Variants in SAMD3 observed in about 807,000 individuals in gnomAD.
SAMD3 encodes sterile alpha motif domain-containing protein 3.
SAMD3 carries 63 observed loss-of-function variants against 58.5 expected under a neutral mutation model. The ratio of observed to expected loss-of-function variants is 1.08; its 90% CI spans 0.88 to 1.33. The LOEUF is 1.33. SAMD3 is among the 40% of genes most tolerant of loss of function. The pLI is 0.00. For missense variants in SAMD3, 604 were observed against 608.4 expected (o/e 0.99, Z 0.08); for synonymous variants, 220 against 210.3 (o/e 1.05, Z -0.40).
At chr6:130,209,473 G>A (rs777178794) in intron 5 of SAMD3, 22 bp downstream of exon 5, 1 of 1,290,308 alleles carries the variant, frequency 7.8e-7, no homozygotes, top group Non-Finnish European at 1.1e-6. Flanking sequence ...GCTTTAAACT[G>A]TCTTAAAGTT....
chr6:130,305,981 T>C (rs1775899273), intron 2 of SAMD3, among the ~76,000 whole-genome samples: 2 of 152,336 alleles, frequency 1.3e-5, no homozygotes, highest in African/African-American at 2.4e-5. Flanking sequence ...TTTTGGTTCA[T>C]AGATGATGCC....
intron 5 of SAMD3, among the ~76,000 whole-genome samples, chr6:130,192,265 T>G (rs1001405893): frequency 9.9e-5 from 15 of 152,260 alleles, no homozygotes; most frequent in Admixed American, 3.3e-4. Context: ...AAAGATGGTC[T>G]GTAGTTCTAT....
At chr6:130,289,125 T>C (rs1227800931) in intron 2 of SAMD3, among the ~76,000 whole-genome samples, 3 of 152,192 alleles carry the variant, frequency 2.0e-5, no homozygotes, top group African/African-American at 7.2e-5. Context: ...ACATGGTGAA[T>C]GAGCTTAAGG....
chr6:130,146,392 G>T (rs1788628335), intron 9 of SAMD3, among the ~76,000 whole-genome samples: 1 of 152,024 alleles, frequency 6.6e-6, no homozygotes, highest in South Asian at 2.1e-4. Flanking sequence ...ATAAATAATG[G>T]GCATGGCAAA....
At chr6:130,233,410 T>C (rs2114882702) in intron 2 of SAMD3, among the ~76,000 whole-genome samples, 2 of 152,286 alleles carry the variant, frequency 1.3e-5, no homozygotes, top group East Asian at 3.9e-4. Context: ...CATTGATGCT[T>C]TGGATTTCAA....
intron 2 of SAMD3, among the ~76,000 whole-genome samples, chr6:130,260,420 C>T (rs1005377739): frequency 3.9e-5 from 6 of 152,348 alleles, no homozygotes; most frequent in South Asian, 4.1e-4. Flanking sequence ...GTACCTCTTG[C>T]TTGCTCAGTT....
chr6:130,187,940 C>T (rs1793158067), intron 5 of SAMD3, among the ~76,000 whole-genome samples: 1 of 152,132 alleles, frequency 6.6e-6, no homozygotes, highest in East Asian at 1.9e-4. Flanking sequence ...CTACAGTTGG[C>T]CCCCGGCTAA....
intron 2 of SAMD3, among the ~76,000 whole-genome samples, chr6:130,289,550 A>T (rs1307576034): frequency 6.6e-6 from 1 of 152,180 alleles, no homozygotes; most frequent in Non-Finnish European, 1.5e-5. Context: ...CCCAGGTTAG[A>T]GTGCAGTGGC....
chr6:130,237,313 GC>G (rs1196989930), intron 2 of SAMD3, among the ~76,000 whole-genome samples: 1 of 151,978 alleles, frequency 6.6e-6, no homozygotes, highest in Non-Finnish European at 1.5e-5. Flanking sequence ...ATGCATTACA[GC>G]CCCCCTCCAC....
At chr6:130,190,992 A>G (rs1793490611) in intron 5 of SAMD3, among the ~76,000 whole-genome samples, 2 of 151,866 alleles carry the variant, frequency 1.3e-5, no homozygotes, top group Admixed American at 1.3e-4. Flanking sequence ...TCAAATTTAA[A>G]AGTCCCATAG....
chr6:130,282,126 ACACACACACG>A (rs1775001216), intron 2 of SAMD3, among the ~76,000 whole-genome samples: 1 of 151,900 alleles, frequency 6.6e-6, no homozygotes, highest in Non-Finnish European at 1.5e-5. Flanking sequence ...CACACAAGCC[ACACACACACG>A]CACACACACA....
intron 1 of SAMD3, among the ~76,000 whole-genome samples, chr6:130,359,451 C>G (rs759244838): frequency 6.6e-6 from 1 of 152,180 alleles, no homozygotes; most frequent in Admixed American, 6.5e-5. Context: ...ACATTTCCCT[C>G]TCTTTGAATT....
At chr6:130,333,094 G>T (rs1379799650) in intron 1 of SAMD3, among the ~76,000 whole-genome samples, 1 of 147,986 alleles carries the variant, frequency 6.8e-6, no homozygotes, top group African/African-American at 2.5e-5. Context: ...TGTTAAGGGG[G>T]TGACAAGTTT....
chr6:130,215,612 G>C, intron 2 of SAMD3: 1 of 1,388,232 alleles, frequency 7.2e-7, no homozygotes, highest in African/African-American at 1.4e-5. Context: ...ACCCAATCCT[G>C]TACCATTAAC....
intron 1 of SAMD3, among the ~76,000 whole-genome samples, chr6:130,360,675 G>T (rs946037690): frequency 3.9e-5 from 6 of 152,178 alleles, no homozygotes; most frequent in African/African-American, 1.4e-4. Flanking sequence ...AGGAGACAGG[G>T]TTTGAGAGCA....
At chr6:130,250,646 C>T (rs1344996895) in intron 2 of SAMD3, among the ~76,000 whole-genome samples, 3 of 152,148 alleles carry the variant, frequency 2.0e-5, no homozygotes, top group African/African-American at 4.8e-5. Context: ...TTGTCTCTTT[C>T]GATGTGCATA....
At chr6:130,215,853 T>A (rs745821940) in intron 2 of SAMD3, 9 of 1,534,478 alleles carry the variant, frequency 5.9e-6, no homozygotes, top group Middle Eastern at 1.7e-4. Context: ...CTCATTGTTT[T>A]CCGTTAGCAA....
At chr6:130,276,808 G>A (rs1774792195) in intron 2 of SAMD3, among the ~76,000 whole-genome samples, 1 of 152,072 alleles carries the variant, frequency 6.6e-6, no homozygotes, top group Non-Finnish European at 1.5e-5. Flanking sequence ...CCAAGGCTAG[G>A]TTTTTATGGA....
intron 8 of SAMD3, among the ~76,000 whole-genome samples, chr6:130,168,935 C>G (rs1020379274): frequency 7.9e-5 from 12 of 152,124 alleles, no homozygotes; most frequent in African/African-American, 2.2e-4. Flanking sequence ...TCATGAGTAG[C>G]TAGGACTTAC....
Sources: gnomAD v4.1 joint callset for allele counts (sites outside exome capture counted in the v4.1 genomes callset) on GRCh38, gnomAD v4.1.1 for gene constraint, MANE v1.5 for transcripts, NCBI Gene and HGNC (gene_info 2026-07-23, HGNC 2026-07-21) for gene names.